LRPPRC: variants seen among roughly 807,000 people sequenced by gnomAD.
LRPPRC encodes the protein leucine rich pentatricopeptide repeat containing.
Under a neutral mutation model 180.3 loss-of-function variants are expected in LRPPRC, and 120 were observed. That is an observed-to-expected ratio of 0.67 (90% confidence interval 0.57 to 0.77). The LOEUF is 0.77. Ranked by LOEUF, LRPPRC falls within the 30% of genes least tolerant of loss-of-function variation. LRPPRC has a pLI of 0.00. For synonymous variants in LRPPRC, 723 were observed against 600.0 expected, an observed-to-expected ratio of 1.21 and a Z score of -3.00; for missense variants, 2,012 against 1,657.2, an observed-to-expected ratio of 1.21 and a Z score of -3.72.
chr2:43,974,523 T>C, intron 8 of LRPPRC, 91 bp downstream of exon 8: 1 of 959,416 alleles, frequency 1.0e-6, no homozygotes, highest in Non-Finnish European at 1.6e-6. Context: ...ACTCCCACAA[T>C]GCCCATTGTT....
intron 30 of LRPPRC, among the ~76,000 whole-genome samples, chr2:43,911,821 CCA>C (rs1671272694): frequency 6.6e-6 from 1 of 151,992 alleles, no homozygotes; most frequent in African/African-American, 2.4e-5. Context: ...GCCACCGCGC[CCA>C]GTCAGATTTC....
Position 43,947,317 on chromosome 2 carries a change from A to G in LRPPRC, c.2019T>C (p.Ala673=), listed in dbSNP as rs2105085038. The G allele has an allele frequency of 1.2e-6, 2 of 1,607,858 alleles. No individual in the cohort carries two copies. Among genetic ancestry groups the G allele is most frequent in the Non-Finnish European group, 1.7e-6 (2 of 1,175,108 alleles). The change falls in exon 20 of 38, where the codon GCT becomes GCC. Residue 673 remains alanine, a synonymous_variant. Coordinates refer to ENST00000260665, the MANE Select transcript of LRPPRC (RefSeq NM_133259.4). ...ELESTLETLK[A]ENQPIRDVLK... ...GGACATCTCTTATAGGTTGATTTTCAGCTTTTAGTGTTTCAAGTGTGGACT... is the reference window on the plus strand; with the variant it reads ...GGACATCTCTTATAGGTTGATTTTCGGCTTTTAGTGTTTCAAGTGTGGACT...
Position 43,887,295 on chromosome 2 carries a change from C to CA in LRPPRC, c.*1304dup, listed in dbSNP as rs1670303386. On this transcript the variant is annotated 3_prime_UTR_variant, in exon 38 of 38. Coordinates refer to ENST00000260665, the MANE Select transcript of LRPPRC (RefSeq NM_133259.4). The stretch of plus-strand genomic sequence containing the variant: ...CCCTGCTTCCTTAAATCTAACGCCA[C>CA]AAAAAGAGTTGAAGTAAAAGCCTGG... 6.6e-6 allele frequency: 1 copy of CA among 152,176 alleles called. No homozygotes were observed. Among genetic ancestry groups the CA allele is most frequent in the Non-Finnish European group, 1.5e-5 (1 of 68,072 alleles). 9.4% of individuals were successfully genotyped at this position (152,176 alleles called of 1,614,324 possible).
intron 11 of LRPPRC, among the ~76,000 whole-genome samples, chr2:43,971,706 A>G (rs145767076): frequency 1.8e-3 from 276 of 151,982 alleles, no homozygotes; most frequent in Middle Eastern, 6.8e-3. Context: ...TTTATACGTG[A>G]CTTTCACTGG....
At chr2:43,991,906 T>C (rs1674798770) in intron 1 of LRPPRC, among the ~76,000 whole-genome samples, 1 of 152,234 alleles carries the variant, frequency 6.6e-6, no homozygotes, top group African/African-American at 2.4e-5. Flanking sequence ...ATCCCTTCAA[T>C]CTCCTCCAGT....
In LRPPRC at chr2:43,888,674, A is replaced by G; in HGVS notation, c.4129-18T>C. On this transcript the variant is annotated intron_variant, in intron 37 of 37. Coordinates refer to ENST00000260665, the MANE Select transcript of LRPPRC (RefSeq NM_133259.4). ...AAGCTTTCCTGTTAAGGAGAAAAAA[A>G]GAGGGAAGTTAGAGATACCAGCAAG... 3.4e-6 allele frequency: 5 copies of G among 1,491,198 alleles called. No individual in the cohort carries two copies. Among genetic ancestry groups the G allele is most frequent in the South Asian group, 1.1e-5 (1 of 88,196 alleles). The allele number at this position is 1,491,198 out of a possible 1,614,324, so 92.4% of individuals were successfully genotyped here. A position where few individuals can be genotyped will look rare whatever the true frequency, so the allele number is the denominator to read the frequency against.
intron 14 of LRPPRC, among the ~76,000 whole-genome samples, chr2:43,956,719 A>C (rs1487639006): frequency 6.6e-6 from 1 of 152,012 alleles, no homozygotes; most frequent in South Asian, 2.1e-4. Flanking sequence ...GTGAAACCCC[A>C]TCTCTACTAA....
chr2:43,945,416 C>T lies in LRPPRC; in HGVS notation c.2212G>A (p.Asp738Asn). ...AGGACAGCAGATGAATCTAAGCGGT[C>T]ACTAAAAATTAAAGCCACATTTATA... ...EDALNLKEEF[D>N]RLDSSAVLDT... Residue 738 changes from aspartate to asparagine, a missense_variant and splice_region_variant, in exon 22 of 38, where the codon GAC becomes AAC. Physicochemically the swap from Asp to Asn is conservative, Grantham distance 23. Transcript: ENST00000260665. 1 of 1,599,870 alleles carries T rather than the reference C, an allele frequency of 6.3e-7. No homozygotes were observed. Among genetic ancestry groups the T allele is most frequent in the East Asian group, 2.2e-5 (1 of 44,818 alleles).
intron 14 of LRPPRC, among the ~76,000 whole-genome samples, chr2:43,956,478 CGTGT>C (rs56919652): frequency 0.011 from 1,538 of 142,550 alleles, 26 homozygotes; most frequent in African/African-American, 0.036. Flanking sequence ...AAGAAAAAAA[CGTGT>C]GTGTGTGTGT....
chr2:43,935,406 GC>G (rs1193040915), intron 23 of LRPPRC, among the ~76,000 whole-genome samples: 16 of 152,044 alleles, frequency 1.1e-4, no homozygotes, highest in Admixed American at 9.2e-4. Context: ...CACCTTACTA[GC>G]CAAGTAGGAA....
chr2:43,899,374 A>G, intron 33 of LRPPRC, 40 bp from the exon 34 acceptor site: 1 of 1,601,710 alleles, frequency 6.2e-7, no homozygotes, highest in Non-Finnish European at 8.6e-7. Context: ...TCATTAGAAC[A>G]GTGGTATAAC....
intron 27 of LRPPRC, among the ~76,000 whole-genome samples, chr2:43,919,069 A>G (rs1047198115): frequency 6.6e-6 from 1 of 152,052 alleles, no homozygotes; most frequent in African/African-American, 2.4e-5. Context: ...GCAAGTGAGC[A>G]TTACCCGCTG....
intron 14 of LRPPRC, 37 bp from the exon 15 acceptor site, chr2:43,950,637 G>A (rs754713502): frequency 1.3e-6 from 2 of 1,553,274 alleles, no homozygotes; most frequent in Non-Finnish European, 1.8e-6. Flanking sequence ...ATAAACCCAG[G>A]TTTATTTTCA....
chr2:43,889,314 C>CAAAAAAAAAAAAAAAA (rs780032604), intron 37 of LRPPRC, among the ~76,000 whole-genome samples: 1 of 38,340 alleles, frequency 2.6e-5, no homozygotes, highest in African/African-American at 1.4e-4. Context: ...GACTCCATCT[C>CAAAAAAAAAAAAAAAA]AAAAAAAAAA....
intron 23 of LRPPRC, among the ~76,000 whole-genome samples, 188 bp downstream of exon 23, chr2:43,943,499 T>C (rs1000353306): frequency 1.3e-5 from 2 of 152,076 alleles, no homozygotes; most frequent in African/African-American, 2.4e-5. Context: ...CATTGATATG[T>C]AAAGCCACAG....
intron 29 of LRPPRC, among the ~76,000 whole-genome samples, chr2:43,916,185 A>C (rs1172237083): frequency 2.0e-5 from 3 of 152,248 alleles, no homozygotes; most frequent in African/African-American, 4.8e-5. Flanking sequence ...TTATTTCCTT[A>C]ATGGTAAACT....
chr2:43,902,387 G>A (rs1670920338), intron 31 of LRPPRC: 1 of 152,064 alleles, frequency 6.6e-6, no homozygotes, highest in South Asian at 2.1e-4. Flanking sequence ...CATTATCGAA[G>A]AAAACTTAAT....
intron 1 of LRPPRC, among the ~76,000 whole-genome samples, chr2:43,985,803 G>C (rs1674504176): frequency 6.6e-6 from 1 of 152,212 alleles, no homozygotes. Context: ...TTGTGTGAAG[G>C]TTTTGGTATG....
rs1342481098 is a variant in LRPPRC at position 43,935,799 on chromosome 2, TGTTA to T, written c.2505-925_2505-922del. On this transcript the variant is annotated intron_variant, in intron 23 of 37. Coordinates refer to ENST00000260665, the MANE Select transcript of LRPPRC (RefSeq NM_133259.4). ...TAAAAAAAATAAAATAAAAGGACAA[TGTTA>T]GTATGAGAAATATTTAAGACCTTGC... Among the ~76,000 whole-genome samples, 3 of 152,092 alleles carry T rather than the reference TGTTA, an allele frequency of 2.0e-5. 1 individual carries two copies. In the East Asian group the frequency reaches 5.8e-4, roughly 29 times the overall value.
Sources: gnomAD v4.1 joint callset for allele counts (sites outside exome capture counted in the v4.1 genomes callset) on GRCh38, gnomAD v4.1.1 for gene constraint, MANE v1.5 for transcripts, NCBI Gene and HGNC (gene_info 2026-07-23, HGNC 2026-07-21) for gene names.